Variants in PARD3B observed in about 807,000 individuals in gnomAD.
The protein encoded by PARD3B is partitioning defective 3 homolog B.
Under a neutral mutation model 130.2 loss-of-function variants are expected in PARD3B, and 103 were observed. The observed-to-expected ratio is 0.79, with a 90% CI of 0.67 to 0.93. The LOEUF is 0.93. Ranked by LOEUF, PARD3B falls within the 40% of genes least tolerant of loss-of-function variation. PARD3B has a pLI of 0.00. For synonymous variants in PARD3B, 583 were observed against 553.2 expected (o/e 1.05, Z -0.76); for missense variants, 1,609 against 1,499.2 (o/e 1.07, Z -1.21).
intron 2 of PARD3B, among the ~76,000 whole-genome samples, chr2:204,765,192 G>A (rs894514417): frequency 1.3e-5 from 2 of 152,182 alleles, no homozygotes; most frequent in Non-Finnish European, 2.9e-5. Flanking sequence ...GACTGCACTT[G>A]TTCTCAAAGT....
At chr2:204,579,134 C>G (rs920101567) in intron 1 of PARD3B, among the ~76,000 whole-genome samples, 8 of 151,968 alleles carry the variant, frequency 5.3e-5, no homozygotes, top group Admixed American at 2.6e-4. Context: ...TCATCATCAT[C>G]ATCATCATCA....
rs1213487965 is a variant in PARD3B at position 205,550,941 on chromosome 2, GTATATATATA to G, written c.3181-2381_3181-2372del. The stretch of plus-strand genomic sequence containing the variant: ...TATAATTATGTGTGTGTGTGTGTGT[GTATATATATA>G]TGTGTATATATATATATATATATAT... On this transcript the variant is annotated intron_variant, in intron 21 of 22. Transcript: ENST00000406610. This position sits in a 1 kb window ranked among gnomAD's most constrained non-coding sequence, Gnocchi z 4.5. 7.0e-5 allele frequency among the ~76,000 whole-genome samples: 8 copies of G among 114,766 alleles called. No homozygotes were observed. Among genetic ancestry groups the G allele is most frequent in the South Asian group, 2.9e-4 (1 of 3,390 alleles). The allele number at this position is 114,766 out of a possible 152,430, so 75.3% of individuals were successfully genotyped here.
intron 1 of PARD3B, among the ~76,000 whole-genome samples, chr2:204,663,064 G>A (rs1367709857): frequency 6.6e-6 from 1 of 152,114 alleles, no homozygotes; most frequent in African/African-American, 2.4e-5. Flanking sequence ...AACCATATAG[G>A]TATCTTTACA....
intron 18 of PARD3B, among the ~76,000 whole-genome samples, chr2:205,380,282 A>G (rs1255514834): frequency 2.8e-4 from 8 of 28,632 alleles, no homozygotes; most frequent in Non-Finnish European, 3.8e-4. Context: ...TATATAATAT[A>G]TAAAGAATAT....
chr2:204,721,444 T>A (rs2038993301), intron 2 of PARD3B, among the ~76,000 whole-genome samples: 1 of 152,144 alleles, frequency 6.6e-6, no homozygotes, highest in Non-Finnish European at 1.5e-5. Flanking sequence ...CTAGTAGTTG[T>A]TGCCATGTAG....
intron 2 of PARD3B, among the ~76,000 whole-genome samples, chr2:204,777,717 C>T (rs1196604992): frequency 6.6e-6 from 1 of 152,114 alleles, no homozygotes; most frequent in African/African-American, 2.4e-5. Context: ...TGCAGTGAGC[C>T]ATGATTGCAC....
chr2:204,715,472 G>T (rs909179935), intron 2 of PARD3B, among the ~76,000 whole-genome samples: 1 of 150,948 alleles, frequency 6.6e-6, no homozygotes, highest in African/African-American at 2.4e-5. Context: ...TTCTAAAGCA[G>T]ATGCTGTTTT....
intron 4 of PARD3B, among the ~76,000 whole-genome samples, chr2:205,079,124 T>C (rs1012021725): frequency 6.6e-6 from 1 of 152,250 alleles, no homozygotes; most frequent in African/African-American, 2.4e-5. Context: ...CTGAGTTGCC[T>C]GATGATTTGC....
rs559696087 is a variant in PARD3B, at chr2:205,213,464, A to T, written c.2140+20144A>T. ...TGTGTAGGTGCCCACTAAATCCAAG[A>T]TGAATGAGTGAATGAATAGTGTTGG... is the stretch of plus-strand genomic sequence containing the variant. On this transcript the variant is annotated intron_variant, in intron 15 of 22. Transcript: ENST00000406610. 7.4e-4 allele frequency among the ~76,000 whole-genome samples: 112 copies of T among 152,228 alleles called. 2 individuals are homozygous for T. The South Asian group carries it at 8.9e-3, about 12-fold the overall frequency.
chr2:204,986,259 C>G (rs1693147909), intron 3 of PARD3B, among the ~76,000 whole-genome samples: 1 of 152,096 alleles, frequency 6.6e-6, no homozygotes, highest in Non-Finnish European at 1.5e-5. Context: ...TCAGGGCCTG[C>G]CAGTATGTAA....
At chr2:205,025,671 G>A (rs142837503) in intron 3 of PARD3B, among the ~76,000 whole-genome samples, 2 of 152,158 alleles carry the variant, frequency 1.3e-5, no homozygotes, top group East Asian at 3.9e-4. Context: ...ACGTGGAGCT[G>A]TATCGGTGGT....
intron 20 of PARD3B, among the ~76,000 whole-genome samples, chr2:205,444,289 A>G (rs868744266): frequency 6.6e-6 from 1 of 152,078 alleles, no homozygotes; most frequent in Non-Finnish European, 1.5e-5. Context: ...GGCCTCTACA[A>G]AAGTTTTTTT....
chr2:205,440,788 G>A lies in PARD3B; in HGVS notation c.3044+116G>A. 1.8e-6 allele frequency: 2 copies of A among 1,105,486 alleles called. No individual in the cohort carries two copies. The highest frequency in any genetic ancestry group is 2.6e-6 in the Non-Finnish European group (2 of 782,942). The allele number at this position is 1,105,486 out of a possible 1,614,324, so 68.5% of individuals were successfully genotyped here. On this transcript the variant is annotated intron_variant, in intron 20 of 22. Coordinates refer to ENST00000406610, the MANE Select transcript of PARD3B (RefSeq NM_001302769.2). This position sits in a 1 kb window ranked among gnomAD's most constrained non-coding sequence, Gnocchi z 4.2. ...AATCAATTAAAACTGAAACGAGTCA[G>A]TACCCTAGACAAGTGCCATCCTTTG...
chr2:205,155,649 T>C (rs2034070557), intron 10 of PARD3B, among the ~76,000 whole-genome samples: 1 of 152,192 alleles, frequency 6.6e-6, no homozygotes, highest in Admixed American at 6.5e-5. Flanking sequence ...TTGAACTAGT[T>C]TACAGTCCGA....
intron 1 of PARD3B, among the ~76,000 whole-genome samples, chr2:204,651,143 T>A (rs1389499745): frequency 6.6e-6 from 1 of 152,106 alleles, no homozygotes; most frequent in Non-Finnish European, 1.5e-5. Context: ...CAAAACACAA[T>A]CATGCCTTCC....
At chr2:205,267,385 T>G (rs1460830224) in intron 16 of PARD3B, among the ~76,000 whole-genome samples, 1 of 152,142 alleles carries the variant, frequency 6.6e-6, no homozygotes, top group Non-Finnish European at 1.5e-5. Flanking sequence ...TAAGATCAAG[T>G]GATTTATAAA....
At chr2:205,207,484 GAAA>G (rs1240917670) in intron 15 of PARD3B, among the ~76,000 whole-genome samples, 1 of 144,944 alleles carries the variant, frequency 6.9e-6, no homozygotes, top group Non-Finnish European at 1.5e-5. Flanking sequence ...GACTAATAAA[GAAA>G]AAAAGAGAGA....
chr2:204,620,951 A>G (rs1172248875), intron 1 of PARD3B, among the ~76,000 whole-genome samples: 1 of 152,214 alleles, frequency 6.6e-6, no homozygotes, highest in African/African-American at 2.4e-5. Flanking sequence ...GATACAGAAC[A>G]GTTTTAATTA....
chr2:204,752,892 C>T (rs2040519733), intron 2 of PARD3B, among the ~76,000 whole-genome samples: 1 of 152,178 alleles, frequency 6.6e-6, no homozygotes, highest in Admixed American at 6.6e-5. Context: ...CCTACGACAT[C>T]CCACAGTGTA....
Sources: gnomAD v4.1 joint callset for allele counts (sites outside exome capture counted in the v4.1 genomes callset) on GRCh38, gnomAD v4.1.1 for gene constraint, Gnocchi (gnomAD v3.1) non-coding constraint, MANE v1.5 for transcripts, NCBI Gene and HGNC (gene_info 2026-07-23, HGNC 2026-07-21) for gene names.